SPATA6: variants seen among roughly 807,000 people sequenced by gnomAD.
The protein encoded by SPATA6 is spermatogenesis-associated protein 6.
SPATA6 carries 56 observed loss-of-function variants against 65.3 expected under a neutral mutation model. The observed-to-expected ratio is 0.86, with a 90% confidence interval of 0.69 to 1.07. SPATA6 has a LOEUF of 1.07. Ranked by LOEUF, SPATA6 falls within the 50% of genes least tolerant of loss-of-function variation. SPATA6 has a pLI of 0.00. For synonymous variants in SPATA6, 199 were observed against 213.2 expected (o/e 0.93, Z 0.58); for missense variants, 590 against 594.8 (o/e 0.99, Z 0.08).
intron 11 of SPATA6, 38 bp from the exon 12 acceptor site, chr1:48,305,916 C>G (rs779730923): frequency 3.3e-6 from 5 of 1,496,664 alleles, no homozygotes; most frequent in Non-Finnish European, 4.6e-6. Flanking sequence ...CTCACTGTCT[C>G]ATTGTCCCCA....
chr1:48,387,259 G>C (rs1649573168), intron 8 of SPATA6, among the ~76,000 whole-genome samples: 1 of 152,098 alleles, frequency 6.6e-6, no homozygotes, highest in Non-Finnish European at 1.5e-5. Flanking sequence ...ACAACACATG[G>C]GAATTCAAGA....
At chr1:48,418,007 T>G (rs1356648744) in intron 3 of SPATA6, among the ~76,000 whole-genome samples, 1 of 152,154 alleles carries the variant, frequency 6.6e-6, no homozygotes, top group Non-Finnish European at 1.5e-5. Flanking sequence ...GTTACATACC[T>G]GATTCTTCTT....
chr1:48,373,705 A>C (rs1301046274), intron 9 of SPATA6, among the ~76,000 whole-genome samples: 2 of 152,222 alleles, frequency 1.3e-5, no homozygotes, highest in African/African-American at 4.8e-5. Flanking sequence ...TTTCACTTTC[A>C]TGGCTGAGGG....
intron 12 of SPATA6, among the ~76,000 whole-genome samples, chr1:48,304,606 A>G (rs1266651860): frequency 6.6e-6 from 1 of 152,162 alleles, no homozygotes; most frequent in Non-Finnish European, 1.5e-5. Context: ...GGCCTCCCAA[A>G]GCACTGGGAT....
intron 11 of SPATA6, among the ~76,000 whole-genome samples, chr1:48,348,403 A>G (rs1557594788): frequency 6.6e-6 from 1 of 152,010 alleles, no homozygotes; most frequent in Non-Finnish European, 1.5e-5. Flanking sequence ...TTATAATCCA[A>G]TTCTACAGTT....
At chr1:48,437,341 G>A (rs1174801108) in intron 3 of SPATA6, 5 of 1,499,994 alleles carry the variant, frequency 3.3e-6, no homozygotes, top group Middle Eastern at 1.8e-4. Context: ...GTGCACTGGA[G>A]AATCTATTAT....
intron 9 of SPATA6, among the ~76,000 whole-genome samples, chr1:48,365,488 A>C (rs371108884): frequency 2.6e-5 from 4 of 151,978 alleles, no homozygotes; most frequent in Non-Finnish European, 4.4e-5. Flanking sequence ...GCAGTGGTTT[A>C]TAGTTCTCCT....
intron 3 of SPATA6, among the ~76,000 whole-genome samples, chr1:48,434,397 G>A (rs2148071186): frequency 6.6e-6 from 1 of 152,172 alleles, no homozygotes; most frequent in East Asian, 1.9e-4. Flanking sequence ...TTTGCCCTGA[G>A]TGGTACCTTT....
chr1:48,348,360 A>G (rs1289985080), intron 11 of SPATA6, among the ~76,000 whole-genome samples: 1 of 152,024 alleles, frequency 6.6e-6, no homozygotes, highest in African/African-American at 2.4e-5. Context: ...TTACATCAGT[A>G]TGGACTCTTG....
At chr1:48,382,959 A>AC (rs1379508112) in intron 9 of SPATA6, among the ~76,000 whole-genome samples, 14 of 109,226 alleles carry the variant, frequency 1.3e-4, no homozygotes, top group South Asian at 6.7e-4. Context: ...TGGGGGGATG[A>AC]CCCCCCCACC....
chr1:48,318,551 G>C (rs544899999), intron 11 of SPATA6, among the ~76,000 whole-genome samples: 2 of 152,070 alleles, frequency 1.3e-5, no homozygotes, highest in African/African-American at 4.8e-5. Flanking sequence ...AAAATACTTA[G>C]GAGTAAACTT....
chr1:48,272,163 C>A, the SPATA6 span, among the ~76,000 whole-genome samples: 48 of 152,242 alleles, frequency 3.2e-4, 1 homozygote, highest in African/African-American at 1.1e-3. Context: ...ATATCCATCA[C>A]CTCTACATAG....
chr1:48,464,329 AAAAC>A (rs907668292), intron 1 of SPATA6, among the ~76,000 whole-genome samples: 53 of 152,200 alleles, frequency 3.5e-4, no homozygotes, highest in Admixed American at 2.0e-4. Flanking sequence ...AAAACAAAAC[AAAAC>A]AAAGGATTGT....
chr1:48,283,489 G>C, the SPATA6 span, among the ~76,000 whole-genome samples: 2 of 150,790 alleles, frequency 1.3e-5, no homozygotes, highest in African/African-American at 4.9e-5. Flanking sequence ...GACCATCCTG[G>C]CCAACATGGT....
chr1:48,386,231 G>C (rs766625446), intron 8 of SPATA6, among the ~76,000 whole-genome samples: 5 of 152,132 alleles, frequency 3.3e-5, no homozygotes, highest in Non-Finnish European at 7.4e-5. Flanking sequence ...TCACATAGTG[G>C]ATTTTAAAAC....
intron 3 of SPATA6, among the ~76,000 whole-genome samples, chr1:48,418,310 C>A (rs1372711903): frequency 6.6e-6 from 1 of 151,938 alleles, no homozygotes; most frequent in South Asian, 2.1e-4. Context: ...ATGAGTTTGG[C>A]TTCTATGAAA....
the SPATA6 span, among the ~76,000 whole-genome samples, chr1:48,261,521 T>A: frequency 6.6e-6 from 1 of 152,090 alleles, no homozygotes; most frequent in African/African-American, 2.4e-5. Flanking sequence ...CTTTTCCAAT[T>A]TAGATTCTAT....
At chr1:48,309,626 G>C (rs1044575737) in intron 11 of SPATA6, among the ~76,000 whole-genome samples, 2 of 152,086 alleles carry the variant, frequency 1.3e-5, no homozygotes, top group African/African-American at 4.8e-5. Flanking sequence ...TGTTTAGTGA[G>C]TCCAATGTGT....
chr1:48,451,686 A>T, intron 2 of SPATA6, 86 bp from the exon 3 acceptor site: 1 of 1,311,846 alleles, frequency 7.6e-7, no homozygotes, highest in Non-Finnish European at 1.1e-6. Context: ...TTCCTTTCAC[A>T]ATCACAGAAA....
Sources: allele counts gnomAD v4.1 joint callset (sites outside exome capture counted in the v4.1 genomes callset), GRCh38; gene constraint gnomAD v4.1.1; transcripts MANE v1.5; gene names NCBI Gene and HGNC (gene_info 2026-07-23, HGNC 2026-07-21).